CDH18: variants seen among roughly 807,000 people sequenced by gnomAD.
The protein encoded by CDH18 is cadherin 18.
In CDH18, 31 loss-of-function variants were observed where a neutral mutation model predicts 67.9. The observed-to-expected ratio is 0.46, with a 90% CI of 0.34 to 0.62. The LOEUF is 0.62. Among genes scored for constraint, CDH18 ranks in the 20% least tolerant of loss-of-function variants. The probability of loss-of-function intolerance (pLI) is 0.01; values close to 1 mark genes in which losing one functional copy is unlikely to be tolerated. For synonymous variants in CDH18, 362 were observed against 347.2 expected (o/e 1.04, Z -0.48); for missense variants, 890 against 975.5 (o/e 0.91, Z 1.17).
At chr5:19,703,174 C>T (rs576809817) in intron 5 of CDH18, among the ~76,000 whole-genome samples, 39 of 152,236 alleles carry the variant, frequency 2.6e-4, no homozygotes, top group African/African-American at 6.0e-4. Flanking sequence ...AGGGTCTCCA[C>T]GACTGAGCTG....
intron 4 of CDH18, among the ~76,000 whole-genome samples, chr5:19,723,939 G>A (rs1334025489): frequency 3.3e-5 from 5 of 152,150 alleles, no homozygotes; most frequent in Non-Finnish European, 7.4e-5. Context: ...GTGAACTCCT[G>A]ACCTCAGGTG....
chr5:19,752,740 T>C (rs970170506), intron 3 of CDH18, among the ~76,000 whole-genome samples: 2 of 152,124 alleles, frequency 1.3e-5, no homozygotes, highest in Non-Finnish European at 2.9e-5. Flanking sequence ...AAAAAGAGCA[T>C]TAAACCACCA....
In CDH18 at chr5:20,430,229, G is replaced by A. The variant is rs76937452; in HGVS notation, c.-580+145233C>T. ...TAACAGCGTACTATGAAGAAAGCAT[G>A]CAATCCCTATCACCTTATAAAAAAC... On this transcript the variant is annotated intron_variant, in intron 1 of 14. Transcript: ENST00000507958. 7.8e-3 allele frequency among the ~76,000 whole-genome samples: 1,191 copies of A among 152,262 alleles called. 14 individuals are homozygous for A. The highest frequency in any genetic ancestry group is 0.027 in the African/African-American group (1,134 of 41,562).
At chr5:19,942,384 C>T (rs1292879733) in intron 2 of CDH18, among the ~76,000 whole-genome samples, 1 of 152,164 alleles carries the variant, frequency 6.6e-6, no homozygotes, top group East Asian at 1.9e-4. Context: ...TTGCTGACGG[C>T]TGAATGAAGA....
At chr5:19,858,990 T>C (rs1277377668) in intron 2 of CDH18, among the ~76,000 whole-genome samples, 1 of 152,124 alleles carries the variant, frequency 6.6e-6, no homozygotes, top group Non-Finnish European at 1.5e-5. Context: ...TTTATTGAGA[T>C]ATTAATTATG....
intron 2 of CDH18, among the ~76,000 whole-genome samples, chr5:20,135,116 G>T (rs1749593296): frequency 6.6e-6 from 1 of 152,116 alleles, no homozygotes; most frequent in South Asian, 2.1e-4. Context: ...TGGTAAAATA[G>T]CTGACCCTAG....
At chr5:19,806,546 T>A (rs573390730) in intron 3 of CDH18, among the ~76,000 whole-genome samples, 1 of 152,328 alleles carries the variant, frequency 6.6e-6, no homozygotes, top group East Asian at 1.9e-4. Flanking sequence ...AAGATTTATA[T>A]CGTAAAAACT....
rs1764606048 is a variant in CDH18 at position 19,710,757 on chromosome 5, T to A, written c.643+10590A>T. On this transcript the variant is annotated intron_variant, in intron 5 of 12. Coordinates refer to ENST00000382275, the MANE Select transcript of CDH18 (RefSeq NM_004934.5). The stretch of plus-strand genomic sequence containing the variant: ...TTTCTTCTACAAAACTTTTAAAAAC[T>A]TAGTTTTGTAGTTAAAGTTAGATAA... Among the ~76,000 whole-genome samples the A allele has an allele frequency of 7.9e-5, 12 of 152,226 alleles. No homozygotes were observed. In the South Asian group the frequency reaches 2.5e-3, roughly 32 times the overall value.
intron 2 of CDH18, among the ~76,000 whole-genome samples, chr5:19,933,652 A>G (rs1793944650): frequency 6.6e-6 from 1 of 151,552 alleles, no homozygotes; most frequent in Non-Finnish European, 1.5e-5. Flanking sequence ...TCAATCCAAT[A>G]GTTAATTTTT....
At chr5:19,593,713 T>C (rs796710362) in intron 6 of CDH18, among the ~76,000 whole-genome samples, 218 of 10,510 alleles carry the variant, frequency 0.021, 9 homozygotes, top group East Asian at 0.1. Context: ...TCCTCCTTCT[T>C]CTTCTTCTTC....
At chr5:19,754,547 C>T (rs1375811273) in intron 3 of CDH18, among the ~76,000 whole-genome samples, 1 of 152,116 alleles carries the variant, frequency 6.6e-6, no homozygotes, top group Non-Finnish European at 1.5e-5. Context: ...ATGAGACAGA[C>T]AGTAACACAA....
intron 2 of CDH18, among the ~76,000 whole-genome samples, chr5:20,124,196 A>G (rs1008550102): frequency 2.0e-5 from 3 of 152,068 alleles, no homozygotes; most frequent in Non-Finnish European, 4.4e-5. Flanking sequence ...AAGAAGAAAC[A>G]TTTTTGTTTT....
chr5:20,142,561 CAGAG>C (rs951284990), intron 2 of CDH18, among the ~76,000 whole-genome samples: 8 of 149,270 alleles, frequency 5.4e-5, no homozygotes, highest in African/African-American at 2.0e-4. Flanking sequence ...GCCTGGACAA[CAGAG>C]AGAGACTCTG....
At chr5:19,948,963 A>T (rs902944372) in intron 2 of CDH18, among the ~76,000 whole-genome samples, 6 of 152,202 alleles carry the variant, frequency 3.9e-5, no homozygotes, top group Admixed American at 6.5e-5. Flanking sequence ...GCTTTTTTTC[A>T]CAATGCCTAA....
chr5:19,506,980 G>C (rs1744291029), intron 10 of CDH18, among the ~76,000 whole-genome samples: 1 of 152,054 alleles, frequency 6.6e-6, no homozygotes, highest in Admixed American at 6.6e-5. Flanking sequence ...CTACAGAATG[G>C]GAGAAAATTT....
At chr5:19,946,183 C>T (rs777611080) in intron 2 of CDH18, among the ~76,000 whole-genome samples, 3 of 152,022 alleles carry the variant, frequency 2.0e-5, no homozygotes, top group Non-Finnish European at 4.4e-5. Flanking sequence ...GCCATCGAGG[C>T]CTGAAGGAAG....
chr5:20,156,663 C>T (rs937468854), intron 2 of CDH18, among the ~76,000 whole-genome samples: 3 of 152,004 alleles, frequency 2.0e-5, no homozygotes, highest in Non-Finnish European at 4.4e-5. Context: ...AGAGACTTCA[C>T]CACTAAACAC....
At chr5:20,566,621 C>T (rs993379394) in intron 1 of CDH18, among the ~76,000 whole-genome samples, 2 of 150,618 alleles carry the variant, frequency 1.3e-5, no homozygotes, top group African/African-American at 4.9e-5. Flanking sequence ...GTGATCCGCC[C>T]ACCTAGGCCT....
chr5:20,420,062 C>T (rs1418229443), intron 1 of CDH18, among the ~76,000 whole-genome samples: 3 of 151,124 alleles, frequency 2.0e-5, no homozygotes, highest in African/African-American at 7.4e-5. Flanking sequence ...TAATGCTGAA[C>T]ATTCACCACC....
Sources: allele counts gnomAD v4.1 joint callset (sites outside exome capture counted in the v4.1 genomes callset), GRCh38; gene constraint gnomAD v4.1.1; transcripts MANE v1.5; gene names NCBI Gene and HGNC (gene_info 2026-07-23, HGNC 2026-07-21).